MED12L: variants seen among roughly 807,000 people sequenced by gnomAD.
MED12L encodes mediator of RNA polymerase II transcription subunit 12-like protein.
In MED12L, 60 loss-of-function variants were observed where a neutral mutation model predicts 281.3. The observed-to-expected ratio is 0.21, with a 90% CI of 0.17 to 0.26. The LOEUF is 0.26. MED12L is among the 10% of genes least tolerant of loss of function. MED12L has a pLI of 1.00. For synonymous variants in MED12L, 974 were observed against 987.2 expected (o/e 0.99, Z 0.25); for missense variants, 2,146 against 2,680.9 (o/e 0.80, Z 4.41).
intron 6 of MED12L, among the ~76,000 whole-genome samples, chr3:151,157,814 A>C (rs1174565911): frequency 6.6e-6 from 1 of 152,234 alleles, no homozygotes; most frequent in East Asian, 1.9e-4. Flanking sequence ...TGCTAGGAAC[A>C]AAGTAAGATT....
At chr3:151,142,113 A>T (rs1296796406) in intron 5 of MED12L, among the ~76,000 whole-genome samples, 4 of 152,192 alleles carry the variant, frequency 2.6e-5, no homozygotes, top group African/African-American at 9.6e-5. Flanking sequence ...CATTTGGGCT[A>T]GTTTTCTTGA....
intron 2 of MED12L, among the ~76,000 whole-genome samples, chr3:151,106,684 G>C (rs1267720850): frequency 6.6e-6 from 1 of 152,048 alleles, no homozygotes; most frequent in African/African-American, 2.4e-5. Context: ...CCCATCCTCT[G>C]TCTTTTCTTT....
intron 16 of MED12L, among the ~76,000 whole-genome samples, chr3:151,225,147 T>C (rs1730238682): frequency 6.6e-6 from 1 of 152,308 alleles, no homozygotes; most frequent in South Asian, 2.1e-4. Flanking sequence ...TAGGGCTGGG[T>C]AAACAATGTC....
intron 16 of MED12L, among the ~76,000 whole-genome samples, chr3:151,229,473 A>ATTT (rs59434401): frequency 8.0e-4 from 72 of 90,126 alleles, no homozygotes; most frequent in Non-Finnish European, 1.4e-3. Context: ...TGCCCGGCTA[A>ATTT]TTTTTTTTTT....
intron 32 of MED12L, among the ~76,000 whole-genome samples, chr3:151,381,268 A>T (rs1712290553): frequency 6.6e-6 from 1 of 152,150 alleles, no homozygotes; most frequent in Admixed American, 6.5e-5. Flanking sequence ...ACTTAATCTT[A>T]TTTGATCCTC....
At chr3:151,233,460 G>C (rs1210109165) in intron 16 of MED12L, among the ~76,000 whole-genome samples, 1 of 152,250 alleles carries the variant, frequency 6.6e-6, no homozygotes. Flanking sequence ...TGGGCCGGGC[G>C]TGATGGCTCC....
At chr3:151,274,965 T>G (rs909103309) in intron 16 of MED12L, among the ~76,000 whole-genome samples, 1 of 152,196 alleles carries the variant, frequency 6.6e-6, no homozygotes, top group Non-Finnish European at 1.5e-5. Flanking sequence ...TGTAGCAGGA[T>G]GGAAATGTTC....
chr3:151,222,260 CTGGACTG>C (rs1045125829), intron 16 of MED12L, among the ~76,000 whole-genome samples: 1 of 151,940 alleles, frequency 6.6e-6, no homozygotes, highest in Non-Finnish European at 1.5e-5. Context: ...GGATGAGACT[CTGGACTG>C]TGGACTTCTG....
chr3:151,142,637 G>A (rs967297931), intron 5 of MED12L, among the ~76,000 whole-genome samples: 2 of 152,110 alleles, frequency 1.3e-5, no homozygotes, highest in Non-Finnish European at 1.5e-5. Flanking sequence ...ATTTTTAAGT[G>A]TAGATTTTGT....
intron 16 of MED12L, among the ~76,000 whole-genome samples, chr3:151,242,318 G>T (rs1367119045): frequency 6.6e-6 from 1 of 152,220 alleles, no homozygotes; most frequent in Non-Finnish European, 1.5e-5. Context: ...ACCTCTGGGG[G>T]CAGGGCACAG....
At chr3:151,277,447 G>A (rs1201408913) in intron 16 of MED12L, among the ~76,000 whole-genome samples, 1 of 151,846 alleles carries the variant, frequency 6.6e-6, no homozygotes, top group Non-Finnish European at 1.5e-5. Context: ...TGATTATCAA[G>A]TTTGTATGTT....
intron 13 of MED12L, among the ~76,000 whole-genome samples, chr3:151,189,776 T>G (rs1313536204): frequency 8.5e-5 from 13 of 152,210 alleles, no homozygotes; most frequent in Admixed American, 7.2e-4. Context: ...CTTACAAATT[T>G]TGAATCTTAT....
intron 5 of MED12L, among the ~76,000 whole-genome samples, chr3:151,147,548 A>G (rs1471368760): frequency 3.9e-5 from 6 of 152,222 alleles, no homozygotes; most frequent in Non-Finnish European, 5.9e-5. Flanking sequence ...GCAGGCAACC[A>G]CTAACCTACT....
chr3:151,118,259 T>G (rs1014849311), intron 3 of MED12L, among the ~76,000 whole-genome samples: 1 of 152,190 alleles, frequency 6.6e-6, no homozygotes. Flanking sequence ...AATTTCTATT[T>G]CCTTTCCCTT....
intron 37 of MED12L, 79 bp downstream of exon 37, chr3:151,388,251 G>A (rs770475474): frequency 4.7e-6 from 7 of 1,488,992 alleles, no homozygotes; most frequent in African/African-American, 1.4e-5. Flanking sequence ...CATATCCCTC[G>A]AAACATTACC....
intron 41 of MED12L, among the ~76,000 whole-genome samples, chr3:151,412,409 C>T (rs73159926): frequency 0.11 from 17,299 of 152,222 alleles, 1,331 homozygotes; most frequent in Middle Eastern, 0.19. Flanking sequence ...GAAAACATTG[C>T]AGCCATCATA....
At chr3:151,153,048 C>T (rs903537125) in intron 5 of MED12L, among the ~76,000 whole-genome samples, 4 of 152,274 alleles carry the variant, frequency 2.6e-5, no homozygotes, top group East Asian at 1.9e-4. Flanking sequence ...TTATAATTTA[C>T]GTGTTTTCAT....
intron 5 of MED12L, among the ~76,000 whole-genome samples, chr3:151,134,547 A>G (rs571274320): frequency 1.3e-5 from 2 of 152,276 alleles, no homozygotes; most frequent in Admixed American, 6.5e-5. Flanking sequence ...TGAGTAGGGG[A>G]CATGCATCCA....
At position 151,436,409 on chromosome 3, in the gene MED12L, A is replaced by ATTTG. The variant is rs368968586; in HGVS notation, c.*3608_*3611dup. On this transcript the variant is annotated 3_prime_UTR_variant, in exon 45 of 45. Transcript: ENST00000687756. ...ACTGAAAAATTCAGGTACATTAGCCATTTGTTATTTTATAGTGAACCGTTT... is the reference window on the plus strand; with the variant it reads ...ACTGAAAAATTCAGGTACATTAGCCATTTGTTTGTTATTTTATAGTGAACCGTTT... The ATTTG allele has an allele frequency of 1.1e-3, 290 of 262,444 alleles. 1 individual carries two copies. Among genetic ancestry groups the ATTTG allele is most frequent in the African/African-American group, 6.3e-3 (279 of 44,332 alleles). The allele number at this position is 262,444 out of a possible 1,614,324, so 16.3% of individuals were successfully genotyped here.
Sources: allele counts gnomAD v4.1 joint callset (sites outside exome capture counted in the v4.1 genomes callset), GRCh38; gene constraint gnomAD v4.1.1; transcripts MANE v1.5; gene names NCBI Gene and HGNC (gene_info 2026-07-23, HGNC 2026-07-21).